The following ANO1 variants were observed in gnomAD, a reference collection of about 807,000 sequenced individuals.
The protein encoded by ANO1 is anoctamin-1.
Under a neutral mutation model 124.0 loss-of-function variants are expected in ANO1, and 59 were observed. That is an observed-to-expected ratio of 0.48 (90% CI 0.39 to 0.59). ANO1 has a LOEUF of 0.59. Among genes scored for constraint, ANO1 ranks in the 20% least tolerant of loss-of-function variants. ANO1 has a pLI of 0.00. For synonymous variants in ANO1, 529 were observed against 532.0 expected (o/e 0.99, Z 0.08); for missense variants, 1,059 against 1,328.0 (o/e 0.80, Z 3.15).
rs909528553 is a variant in ANO1, at chr11:70,163,294, G to A, written c.1904G>A (p.Arg635His). 5.0e-6 allele frequency: 8 copies of A among 1,613,494 alleles called. No homozygotes were observed. The highest frequency in any genetic ancestry group is 1.7e-5 in the Admixed American group (1 of 59,980). Residue 635 changes from arginine (R) to histidine (H), a missense_variant, in exon 19 of 26, where the codon CGC (arginine) becomes CAC (histidine). Arg to His is a conservative substitution (Grantham distance 29, BLOSUM62 0). Transcript: ENST00000355303. ...CCCCATCGTTTCAGGTTTGTTGGAC[G>A]CCCGGGCGACTACGTGTACATTTTC... Reference protein sequence around the residue: ...VAFFKGRFVGRPGDYVYIFRS... With the variant: ...VAFFKGRFVGHPGDYVYIFRS...
chr11:70,061,848 T>C (rs1026715530), intron 1 of ANO1, among the ~76,000 whole-genome samples: 1 of 152,062 alleles, frequency 6.6e-6, no homozygotes, highest in Non-Finnish European at 1.5e-5. Flanking sequence ...GATCTTAGGG[T>C]CAACCAATTA....
chr11:70,022,365 G>A (rs558337623), intron 1 of ANO1, among the ~76,000 whole-genome samples: 15 of 152,242 alleles, frequency 9.9e-5, no homozygotes, highest in South Asian at 4.1e-4. Flanking sequence ...TTGGGAGGCC[G>A]AGGCAAGTGG....
At chr11:70,132,254 G>A (rs988099446) in intron 11 of ANO1, among the ~76,000 whole-genome samples, 175 bp downstream of exon 11, 3 of 152,284 alleles carry the variant, frequency 2.0e-5, no homozygotes, top group South Asian at 2.1e-4. Flanking sequence ...ACTGGGGTGC[G>A]CAGTGCATCA....
intron 11 of ANO1, among the ~76,000 whole-genome samples, chr11:70,135,990 G>A (rs7939912): frequency 0.52 from 78,346 of 152,106 alleles, 21,000 homozygotes; most frequent in Non-Finnish European, 0.61. Flanking sequence ...CATGGGTGCC[G>A]CAGCCACAGA....
chr11:70,076,963 G>GCCCAGGAGGCTCTGAGA (rs2044067855), upstream of ANO1, among the ~76,000 whole-genome samples: 1 of 152,144 alleles, frequency 6.6e-6, no homozygotes, highest in Non-Finnish European at 1.5e-5. Flanking sequence ...AGGCTCTGAG[G>GCCCAGGAGGCTCTGAGA]CCCAGGAGGC....
the ANO1 span, among the ~76,000 whole-genome samples, chr11:69,974,923 C>G: frequency 2.7e-5 from 4 of 150,910 alleles, no homozygotes; most frequent in Non-Finnish European, 5.9e-5. Flanking sequence ...GATTAGGACA[C>G]ACACACAGAG....
chr11:70,159,286 T>A (rs1366582856), intron 16 of ANO1, among the ~76,000 whole-genome samples: 1 of 152,058 alleles, frequency 6.6e-6, no homozygotes, highest in Non-Finnish European at 1.5e-5. Context: ...TGAAGGTGCT[T>A]TCGCAGAAGA....
At chr11:69,985,908 T>A (rs1178265523) in exon 1 of ANO1, 1 of 151,566 alleles carries the variant, frequency 6.6e-6, no homozygotes, top group Non-Finnish European at 1.5e-5. Flanking sequence ...GGCGCGGCCG[T>A]GAGCGAGGGC....
intron 5 of ANO1, 21 bp from the exon 6 acceptor site, chr11:70,108,332 C>G (rs543857789): frequency 6.2e-7 from 1 of 1,604,438 alleles, no homozygotes; most frequent in South Asian, 1.1e-5. Flanking sequence ...CTGCTCACCC[C>G]CCTTCTTGTC....
rs575202835 is a variant in ANO1, at chr11:70,099,451, G to A, written c.442-3615G>A. On this transcript the variant is annotated intron_variant, in intron 2 of 25. Transcript: ENST00000355303. Reference sequence around the variant, plus strand: ...CCGTGCAGAAATCCTCATGGACTCAGAGGAATATATTTTGGGTCTTTGCAT... The same window carrying A: ...CCGTGCAGAAATCCTCATGGACTCAAAGGAATATATTTTGGGTCTTTGCAT... Among the ~76,000 whole-genome samples, 4 of 152,322 alleles carry A rather than the reference G, an allele frequency of 2.6e-5. 1 individual carries two copies. The South Asian group carries it at 8.3e-4, about 32-fold the overall frequency.
chr11:70,013,566 G>A (rs1555001404), intron 1 of ANO1, among the ~76,000 whole-genome samples: 1 of 152,092 alleles, frequency 6.6e-6, no homozygotes, highest in Non-Finnish European at 1.5e-5. Context: ...ATCACCTGAG[G>A]CCAGGAGTTT....
intron 1 of ANO1, among the ~76,000 whole-genome samples, chr11:70,007,641 C>G (rs1011985211): frequency 6.6e-6 from 1 of 152,174 alleles, no homozygotes; most frequent in Non-Finnish European, 1.5e-5. Flanking sequence ...TTTTACTTCT[C>G]TATTGATCAG....
chr11:70,161,234 A>G lies in ANO1; in HGVS notation c.1652A>G (p.Asn551Ser). Reference protein sequence around the residue: ...RISMAAALAMNSSPSVRSNIR... With the variant: ...RISMAAALAMSSSPSVRSNIR... Reference sequence around the variant, plus strand: ...TCCATGGCCGCCGCCTTGGCCATGAACTCCTCCCCCTCCGTGCGGTCCAAC... The same window carrying G: ...TCCATGGCCGCCGCCTTGGCCATGAGCTCCTCCCCCTCCGTGCGGTCCAAC... Residue 551 changes from asparagine (N) to serine (S), a missense_variant, in exon 17 of 26, where the codon AAC (asparagine) becomes AGC (serine). Physicochemically the swap from Asn to Ser is conservative, Grantham distance 46. This residue lies in a region of ANO1 where 809 missense variants were observed against 1,094.9 expected (regional missense o/e 0.74). Coordinates refer to ENST00000355303, the MANE Select transcript of ANO1 (RefSeq NM_018043.7). 1.9e-6 allele frequency: 3 copies of G among 1,612,762 alleles called. No individual in the cohort carries two copies. Among genetic ancestry groups the G allele is most frequent in the Non-Finnish European group, 2.5e-6 (3 of 1,179,576 alleles).
At chr11:70,107,767 C>T (rs1295187523) in intron 5 of ANO1, among the ~76,000 whole-genome samples, 1 of 152,030 alleles carries the variant, frequency 6.6e-6, no homozygotes, top group African/African-American at 2.4e-5. Context: ...AAACAAAACA[C>T]GTCACTAGTC....
the ANO1 span, among the ~76,000 whole-genome samples, chr11:69,977,008 G>A: frequency 6.6e-6 from 1 of 152,226 alleles, no homozygotes; most frequent in Non-Finnish European, 1.5e-5. Flanking sequence ...GTCTCGCAGT[G>A]AGTGATGAGG....
At chr11:70,029,718 G>A (rs541083464) in intron 1 of ANO1, among the ~76,000 whole-genome samples, 1 of 152,318 alleles carries the variant, frequency 6.6e-6, no homozygotes, top group East Asian at 1.9e-4. Flanking sequence ...CACGGTTCTG[G>A]AGGTGAGAAG....
In ANO1 at chr11:70,003,193, G is replaced by A. The variant is rs535508034; in HGVS notation, c.58+17027G>A. On this transcript the variant is annotated intron_variant, in intron 1 of 27. Coordinates refer to the ANO1 transcript ENST00000531349. ...AGACCAACACACCAATGGGAAAATCGGCATGACCACAATAGGCAACTTACC... is the reference window on the plus strand; with the variant it reads ...AGACCAACACACCAATGGGAAAATCAGCATGACCACAATAGGCAACTTACC... 2.6e-4 allele frequency among the ~76,000 whole-genome samples: 40 copies of A among 152,136 alleles called. No individual in the cohort carries two copies. The South Asian group carries it at 6.9e-3, about 26-fold the overall frequency.
chr11:70,147,103 T>C (rs1267099948), intron 11 of ANO1, among the ~76,000 whole-genome samples: 1 of 152,040 alleles, frequency 6.6e-6, no homozygotes, highest in Admixed American at 6.5e-5. Flanking sequence ...TCTGCAGGTG[T>C]GCGTGGAGCA....
Position 70,140,080 on chromosome 11 carries a change from C to T in ANO1, c.1258+8001C>T, listed in dbSNP as rs531169688. 7.9e-5 allele frequency among the ~76,000 whole-genome samples: 12 copies of T among 152,332 alleles called. No homozygotes were observed. The South Asian group carries it at 2.5e-3, about 32-fold the overall frequency. ...TACACCGGCTCTCTCTGTAACCCCACAGCAGACCAAGGCTCTGTTCTTTTC... is the reference window on the plus strand; with the variant it reads ...TACACCGGCTCTCTCTGTAACCCCATAGCAGACCAAGGCTCTGTTCTTTTC... On this transcript the variant is annotated intron_variant, in intron 11 of 25. Transcript: ENST00000355303.
Sources: gnomAD v4.1 joint callset for allele counts (sites outside exome capture counted in the v4.1 genomes callset) on GRCh38, gnomAD v4.1.1 for gene constraint, gnomAD v4.1.1 regional missense constraint, MANE v1.5 for transcripts, NCBI Gene and HGNC (gene_info 2026-07-23, HGNC 2026-07-21) for gene names.